The following FAT2 variants were observed in gnomAD, a reference collection of about 807,000 sequenced individuals.
The protein encoded by FAT2 is protocadherin Fat 2.
A neutral mutation model predicts 295.3 loss-of-function variants in FAT2; 150 were observed. The ratio of observed to expected loss-of-function variants is 0.51; its 90% CI spans 0.44 to 0.58. The LOEUF (loss-of-function observed/expected upper bound fraction) is 0.58, where lower values mean the gene tolerates loss of function less well. Ranked by LOEUF, FAT2 falls within the 20% of genes least tolerant of loss-of-function variation. The pLI is 0.00. For missense variants in FAT2, 4,868 were observed against 5,442.7 expected (o/e 0.89, Z 3.32); for synonymous variants, 2,026 against 2,150.3 (o/e 0.94, Z 1.60).
chr5:151,584,295 G>T (rs575701067), intron 1 of FAT2, among the ~76,000 whole-genome samples: 3 of 152,040 alleles, frequency 2.0e-5, no homozygotes, highest in Non-Finnish European at 2.9e-5. Context: ...ACACAGAACC[G>T]CGAGGACAAT....
chr5:151,579,004 G>T (rs967940927), intron 1 of FAT2, among the ~76,000 whole-genome samples: 1 of 152,202 alleles, frequency 6.6e-6, no homozygotes, highest in Non-Finnish European at 1.5e-5. Flanking sequence ...GGATTGGGAA[G>T]ATGGTCAAAG....
In FAT2 at chr5:151,568,538, T is replaced by A. The variant is rs2127650265; in HGVS notation, c.394A>T (p.Thr132Ser). Residue 132 changes from threonine to serine, a missense_variant, in exon 2 of 24, where the codon ACC becomes TCC. This residue lies in a region of FAT2 where 3,297 missense variants were observed against 3,669.4 expected (regional missense o/e 0.90). Coordinates refer to ENST00000261800, the MANE Select transcript of FAT2 (RefSeq NM_001447.3). ...TCCAGGATGTGGACCACCACACGGG[T>A]CAAAGCTTCCAACTCCAAGGTCTTC... ...TEKTLELEALTRVVVHILDQN... is the reference protein window; with the variant it reads ...TEKTLELEALSRVVVHILDQN... The A allele has an allele frequency of 6.2e-7, 1 of 1,614,024 alleles. No individual in the cohort carries two copies. The highest frequency in any genetic ancestry group is 8.5e-7 in the Non-Finnish European group (1 of 1,180,012).
At position 151,542,690 on chromosome 5, in the gene FAT2, C is replaced by T. The variant is rs1236514154; in HGVS notation, c.8437G>A (p.Gly2813Arg). Residue 2813 changes from glycine (G) to arginine (R), a missense_variant, in exon 10 of 24, where the codon GGG becomes AGG. By Grantham distance (125) the Gly-to-Arg change is moderately radical. Transcript: ENST00000261800. ...KAVLTENMPV[G>R]TSVIQVTAID... is the part of the protein sequence containing the mutation. ...GCAGTCACTTGAATGACTGAGGTCC[C>T]CACTGGCATATTCTCAGTGAGGACA... 1.9e-6 allele frequency: 3 copies of T among 1,614,214 alleles called. No individual in the cohort carries two copies. In the Admixed American group the frequency reaches 5.0e-5, roughly 27 times the overall value.
intron 1 of FAT2, among the ~76,000 whole-genome samples, chr5:151,587,520 C>G (rs1185169661): frequency 1.3e-5 from 2 of 152,112 alleles, no homozygotes; most frequent in Non-Finnish European, 2.9e-5. Flanking sequence ...TTATTTAACT[C>G]TCATTCAGCC....
chr5:151,583,846 A>G (rs1479725507), intron 1 of FAT2, among the ~76,000 whole-genome samples: 1 of 151,882 alleles, frequency 6.6e-6, no homozygotes, highest in African/African-American at 2.4e-5. Flanking sequence ...AAAAATAAAA[A>G]AATTAGCTGG....
chr5:151,544,011 G>T lies in FAT2; in HGVS notation c.7116C>A (p.Ile2372=), dbSNP rs761042218. 4.3e-6 allele frequency: 7 copies of T among 1,614,090 alleles called. No homozygotes were observed. The highest frequency in any genetic ancestry group is 1.7e-5 in the Admixed American group (1 of 60,014). Residue 2372 remains isoleucine, a synonymous_variant, in exon 10 of 24, where the codon ATC becomes ATA. Coordinates refer to ENST00000261800, the MANE Select transcript of FAT2 (RefSeq NM_001447.3). ...GTCTGAACTCTGGGGGGTTGTCATT[G>T]ATATCAGACACATTGACAACCACAA... is the stretch of plus-strand genomic sequence containing the variant. ...ETLVVVNVSD[I]NDNPPEFRQP...
intron 9 of FAT2, among the ~76,000 whole-genome samples, chr5:151,547,074 TAACTC>T (rs1423531299): frequency 1.3e-5 from 2 of 152,188 alleles, no homozygotes; most frequent in Non-Finnish European, 2.9e-5. Flanking sequence ...TCCTTTAAAT[TAACTC>T]ACTCAAATTT....
intron 11 of FAT2, among the ~76,000 whole-genome samples, chr5:151,538,472 C>T (rs1375089674): frequency 6.6e-6 from 1 of 152,196 alleles, no homozygotes; most frequent in Non-Finnish European, 1.5e-5. Flanking sequence ...CCAGTGGCCC[C>T]ATCGCTTGGC....
intron 1 of FAT2, among the ~76,000 whole-genome samples, chr5:151,587,086 A>G (rs942019184): frequency 2.0e-5 from 3 of 152,042 alleles, no homozygotes; most frequent in African/African-American, 4.8e-5. Context: ...AGGTTGCAGT[A>G]AGCCAAGATC....
rs764594179 is a variant in FAT2 at position 151,567,175 on chromosome 5, A to G, written c.1757T>C (p.Met586Thr). 2.5e-6 allele frequency: 4 copies of G among 1,614,074 alleles called. No individual in the cohort carries two copies. Among genetic ancestry groups the G allele is most frequent in the African/African-American group, 2.7e-5 (2 of 74,918 alleles). Residue 586 changes from methionine to threonine, a missense_variant, in exon 2 of 24, where the codon ATG (methionine) becomes ACG (threonine). Transcript: ENST00000261800. ...AAGCTCATCCACATCTATGGCTGAC[A>G]TAGTCATTATCGATTTCCCTACTGG... is the stretch of plus-strand genomic sequence containing the variant. ...DWPVGKSIMT[M>T]SAIDVDELQN...
chr5:151,520,121 C>T (rs762528877), intron 19 of FAT2, among the ~76,000 whole-genome samples: 1 of 152,218 alleles, frequency 6.6e-6, no homozygotes, highest in African/African-American at 2.4e-5. Context: ...CGAGTGGTCC[C>T]TGGACAAAGT....
Position 151,534,537 on chromosome 5 carries a change from G to C in FAT2, c.9299C>G (p.Thr3100Ser). The C allele has an allele frequency of 6.2e-7, 1 of 1,613,986 alleles. No homozygotes were observed. Among genetic ancestry groups the C allele is most frequent in the Non-Finnish European group, 8.5e-7 (1 of 1,179,888 alleles). ...GGGRSCQADI[T>S]LHVEDVNDNA... ...GTCATTCACATCCTCCACATGGAGGGTGATGTCTGCCTGGCACGATCGGCC... is the reference window on the plus strand; with the variant it reads ...GTCATTCACATCCTCCACATGGAGGCTGATGTCTGCCTGGCACGATCGGCC... The change falls in exon 13 of 24, where the codon ACC becomes AGC. Residue 3100 changes from threonine (T) to serine (S), a missense_variant. Coordinates refer to ENST00000261800, the MANE Select transcript of FAT2 (RefSeq NM_001447.3).
intron 1 of FAT2, among the ~76,000 whole-genome samples, chr5:151,585,614 G>A (rs1320002362): frequency 6.6e-6 from 1 of 151,902 alleles, no homozygotes; most frequent in Admixed American, 6.6e-5. Context: ...TCTGTCTCAA[G>A]GAAAAAAATA....
At chr5:151,515,660 A>G (rs531054874) in intron 20 of FAT2, among the ~76,000 whole-genome samples, 3 of 152,286 alleles carry the variant, frequency 2.0e-5, no homozygotes, top group African/African-American at 7.2e-5. Context: ...TTCACTGGGA[A>G]ATCCTGTTGG....
Position 151,563,200 on chromosome 5 carries a change from T to A in FAT2, c.3574+125A>T, listed in dbSNP as rs902858753. The A allele has an allele frequency of 5.6e-6, 5 of 887,760 alleles. No homozygotes were observed. In the African/African-American group the frequency reaches 8.4e-5, roughly 15 times the overall value. 55.0% of individuals were successfully genotyped at this position (887,760 alleles called of 1,614,324 possible). On this transcript the variant is annotated intron_variant, in intron 3 of 23. Coordinates refer to ENST00000261800, the MANE Select transcript of FAT2 (RefSeq NM_001447.3). ...CCCTCGAAATTTTGATTCAGTGGAT[T>A]TAGGGTGGGGCCAGAGAATTTGAAT...
chr5:151,580,859 A>C (rs1039676797), intron 1 of FAT2, among the ~76,000 whole-genome samples: 1 of 152,052 alleles, frequency 6.6e-6, no homozygotes, highest in African/African-American at 2.4e-5. Flanking sequence ...TGGGGTGACC[A>C]CTCTGGGCCC....
At chr5:151,522,248 A>C in intron 18 of FAT2, 162 bp from the exon 19 acceptor site, 1 of 575,888 alleles carries the variant, frequency 1.7e-6, no homozygotes, top group Non-Finnish European at 3.0e-6. Context: ...CCTAACTCCA[A>C]AAGCACTGAC....
rs1043233321 is a variant in FAT2, at chr5:151,544,057, G to A, written c.7070C>T (p.Pro2357Leu). Residue 2357 changes from proline (P) to leucine (L), a missense_variant, in exon 10 of 24, where the codon CCC becomes CTC. Transcript: ENST00000261800. The part of the protein sequence containing the change: ...VKVRAMDKGD[P>L]PLTGETLVVV... ...CACAAGGGTTTCACCAGTGAGTGGG[G>A]GATCTCCTTTATCCATGGCCCTGAC... The A allele has an allele frequency of 6.2e-7, 1 of 1,614,166 alleles. No individual in the cohort carries two copies. The highest frequency in any genetic ancestry group is 8.5e-7 in the Non-Finnish European group (1 of 1,180,022).
Position 151,527,263 on chromosome 5 carries a change from A to G in FAT2, c.10279T>C (p.Phe3427Leu). The change falls in exon 17 of 24, where the codon TTC becomes CTC. Residue 3427 changes from phenylalanine (F) to leucine (L), a missense_variant. Phe to Leu is a conservative substitution (Grantham distance 22). Around this residue, in one of 5 missense-constraint regions of FAT2, gnomAD observed 1,046 missense variants for 1,210.1 expected, o/e 0.86. Coordinates refer to ENST00000261800, the MANE Select transcript of FAT2 (RefSeq NM_001447.3). The part of the protein sequence containing the change: ...ADVNDNPPRF[F>L]QLNYSTTVQE... The stretch of plus-strand genomic sequence containing the variant: ...ACAGTGGTGCTGTAGTTGAGCTGGA[A>G]GAATCTCGGTGGGTTATCATTGACA... 1 of 1,612,724 alleles carries G rather than the reference A, an allele frequency of 6.2e-7. No homozygotes were observed. Among genetic ancestry groups the G allele is most frequent in the Non-Finnish European group, 8.5e-7 (1 of 1,179,154 alleles).
Sources: gnomAD v4.1 joint callset for allele counts (sites outside exome capture counted in the v4.1 genomes callset) on GRCh38, gnomAD v4.1.1 for gene constraint, gnomAD v4.1.1 regional missense constraint, MANE v1.5 for transcripts, NCBI Gene and HGNC (gene_info 2026-07-23, HGNC 2026-07-21) for gene names.